MCF2L: variants seen among roughly 807,000 people sequenced by gnomAD.
MCF2L encodes MCF.2 cell line derived transforming sequence like.
MCF2L carries 97 observed loss-of-function variants against 153.4 expected under a neutral mutation model. The ratio of observed to expected loss-of-function variants is 0.63; its 90% CI spans 0.54 to 0.75. The LOEUF is 0.75. Among genes scored for constraint, MCF2L ranks in the 30% least tolerant of loss-of-function variants. The pLI is 0.00. For missense variants in MCF2L, 1,347 were observed against 1,495.2 expected, an observed-to-expected ratio of 0.90 and a Z score of 1.64; for synonymous variants, 659 against 632.2, an observed-to-expected ratio of 1.04 and a Z score of -0.64.
At chr13:113,019,007 G>C (rs1290232834) in intron 2 of MCF2L, among the ~76,000 whole-genome samples, 1 of 152,208 alleles carries the variant, frequency 6.6e-6, no homozygotes, top group Admixed American at 6.5e-5. Flanking sequence ...GCAGACTTAG[G>C]AGTTCCTCCC....
intron 5 of MCF2L, among the ~76,000 whole-genome samples, chr13:113,061,740 T>TCCCCC (rs1210317140): frequency 5.2e-5 from 2 of 38,680 alleles, no homozygotes; most frequent in African/African-American, 1.1e-4. Flanking sequence ...CCCCTCCCTC[T>TCCCCC]TCCCTTTCCC....
rs920863147 is a variant in MCF2L at position 113,064,681 on chromosome 13, A to G, written c.607-255A>G. ...CCTTGCGTTGTGGTTTGCAACACTC[A>G]CTGCTCTCAACGGGGAGAGGCAGCG... On this transcript the variant is annotated intron_variant, in intron 6 of 29. Coordinates refer to ENST00000535094, the MANE Select transcript of MCF2L (RefSeq NM_001112732.3). The surrounding 1 kb of genome is among the most constrained non-coding windows in gnomAD (Gnocchi z 6.0). 5.9e-5 allele frequency: 35 copies of G among 593,306 alleles called. No individual in the cohort carries two copies. The South Asian group carries it at 7.1e-4, about 12-fold the overall frequency. 36.8% of individuals were successfully genotyped at this position (593,306 alleles called of 1,614,324 possible).
intron 3 of MCF2L, among the ~76,000 whole-genome samples, chr13:113,032,228 C>A (rs1236022031): frequency 6.6e-6 from 1 of 152,220 alleles, no homozygotes; most frequent in Non-Finnish European, 1.5e-5. Flanking sequence ...GGCAGCTGGA[C>A]CCCAGCCCTT....
intron 1 of MCF2L, among the ~76,000 whole-genome samples, chr13:112,976,299 A>T (rs2082212596): frequency 6.6e-6 from 1 of 152,158 alleles, no homozygotes; most frequent in African/African-American, 2.4e-5. Context: ...CATATTACTT[A>T]ATTGTGCTAC....
At chr13:112,895,225 C>G (rs886597229) in intron 1 of MCF2L, among the ~76,000 whole-genome samples, 5 of 152,076 alleles carry the variant, frequency 3.3e-5, no homozygotes, top group African/African-American at 9.7e-5. Context: ...CTCTGGAGCC[C>G]AGGCAGGCTC....
chr13:113,087,455 A>G lies in MCF2L; in HGVS notation c.2594A>G (p.Asn865Ser), dbSNP rs1437877817. The G allele has an allele frequency of 6.2e-7, 1 of 1,600,466 alleles. No individual in the cohort carries two copies. Among genetic ancestry groups the G allele is most frequent in the East Asian group, 2.2e-5 (1 of 44,492 alleles). The stretch of plus-strand genomic sequence containing the variant: ...TCCTACAGCTACAAGCAGTCCTTAA[A>G]CGTAAGTGAGGCCGGGTCTGCAGCA... ...APSYSYKQSLNMAAVGITENV... is the reference protein window; with the variant it reads ...APSYSYKQSLSMAAVGITENV... Residue 865 changes from asparagine (N) to serine (S), a missense_variant and splice_region_variant, in exon 22 of 30, where the codon AAC becomes AGC. Asn to Ser is a conservative substitution (Grantham distance 46). Transcript: ENST00000535094.
Position 113,070,627 on chromosome 13 carries a change from C to T in MCF2L, c.996+454C>T, listed in dbSNP as rs2032816826. Among the ~76,000 whole-genome samples, 1 of 152,192 alleles carries T rather than the reference C, an allele frequency of 6.6e-6. No individual in the cohort carries two copies. Among genetic ancestry groups the T allele is most frequent in the Admixed American group, 6.5e-5 (1 of 15,280 alleles). ...GCCCTTCGTGGACTCACCCATGTCCCTCCTCAGCCCCCGGCAACCACTCAT... is the reference window on the plus strand; with the variant it reads ...GCCCTTCGTGGACTCACCCATGTCCTTCCTCAGCCCCCGGCAACCACTCAT... On this transcript the variant is annotated intron_variant, in intron 9 of 29. Coordinates refer to ENST00000535094, the MANE Select transcript of MCF2L (RefSeq NM_001112732.3). This position sits in a 1 kb window ranked among gnomAD's most constrained non-coding sequence, Gnocchi z 5.6.
At chr13:112,953,253 C>T (rs1251178453) in intron 2 of MCF2L, among the ~76,000 whole-genome samples, 1 of 152,184 alleles carries the variant, frequency 6.6e-6, no homozygotes, top group African/African-American at 2.4e-5. Context: ...GAAGCTCTGG[C>T]CATCTGACAA....
At chr13:112,902,773 A>T (rs1429661965) in intron 2 of MCF2L, among the ~76,000 whole-genome samples, 1 of 152,196 alleles carries the variant, frequency 6.6e-6, no homozygotes, top group Non-Finnish European at 1.5e-5. Context: ...CTGAATTTGT[A>T]TGTTTTCATA....
chr13:112,901,871 T>C (rs1178076439), intron 1 of MCF2L, among the ~76,000 whole-genome samples: 1 of 152,236 alleles, frequency 6.6e-6, no homozygotes, highest in Non-Finnish European at 1.5e-5. Context: ...GACGTCTATG[T>C]CTTTGAAACA....
intron 1 of MCF2L, among the ~76,000 whole-genome samples, chr13:112,987,388 G>A (rs1275598836): frequency 6.6e-6 from 1 of 152,040 alleles, no homozygotes; most frequent in Non-Finnish European, 1.5e-5. Context: ...GCACCCATTG[G>A]TCTTTTTCCT....
At chr13:113,079,533 G>A (rs1278784957) in intron 15 of MCF2L, among the ~76,000 whole-genome samples, 1 of 152,244 alleles carries the variant, frequency 6.6e-6, no homozygotes, top group Admixed American at 6.5e-5. Context: ...AATCAGGAAA[G>A]AAGAAAAGGC....
intron 1 of MCF2L, 52 bp from the exon 2 acceptor site, chr13:113,014,711 G>T: frequency 1.3e-6 from 2 of 1,524,762 alleles, no homozygotes; most frequent in South Asian, 1.1e-5. Flanking sequence ...GGCGCTTGCA[G>T]GGTGAGGCAG....
intron 2 of MCF2L, among the ~76,000 whole-genome samples, chr13:112,962,316 C>T (rs1410171793): frequency 1.3e-5 from 2 of 152,216 alleles, no homozygotes; most frequent in Non-Finnish European, 2.9e-5. Context: ...GGCACATGCA[C>T]ATACACATAC....
At position 113,053,976 on chromosome 13, in the gene MCF2L, G is replaced by A. The variant is rs1054294094; in HGVS notation, c.370-6617G>A. ...AGCTCAGTTCACACGGCTCCGAATC[G>A]GCGAAACGCAACCAACGCTGGGCAG... On this transcript the variant is annotated intron_variant, in intron 4 of 29. Transcript: ENST00000535094. This position sits in a 1 kb window ranked among gnomAD's most constrained non-coding sequence, Gnocchi z 4.4. Among the ~76,000 whole-genome samples the A allele has an allele frequency of 2.6e-5, 4 of 152,226 alleles. No individual in the cohort carries two copies. Among genetic ancestry groups the A allele is most frequent in the South Asian group, 2.1e-4 (1 of 4,808 alleles).
intron 1 of MCF2L, among the ~76,000 whole-genome samples, chr13:112,980,276 TC>T (rs1165527229): frequency 6.6e-6 from 1 of 152,264 alleles, no homozygotes; most frequent in Non-Finnish European, 1.5e-5. Flanking sequence ...GTGCTTTTGT[TC>T]ACTTCAGAGG....
intron 27 of MCF2L, chr13:113,095,584 C>A: frequency 1.0e-6 from 1 of 996,754 alleles, no homozygotes; most frequent in Middle Eastern, 5.1e-4. Context: ...GGGCAGGCAG[C>A]CCAGTCACCG....
intron 2 of MCF2L, among the ~76,000 whole-genome samples, chr13:112,912,461 C>T (rs1354481789): frequency 3.9e-5 from 6 of 152,034 alleles, no homozygotes; most frequent in Non-Finnish European, 5.9e-5. Context: ...GGATTACAAG[C>T]GCACGCCACC....
intron 1 of MCF2L, among the ~76,000 whole-genome samples, chr13:112,898,655 T>C (rs891305267): frequency 2.6e-5 from 4 of 152,074 alleles, no homozygotes; most frequent in African/African-American, 4.8e-5. Flanking sequence ...CTCCATTTGC[T>C]ATTCGGCTGC....
Sources: gnomAD v4.1 joint callset for allele counts (sites outside exome capture counted in the v4.1 genomes callset) on GRCh38, gnomAD v4.1.1 for gene constraint, Gnocchi (gnomAD v3.1) non-coding constraint, MANE v1.5 for transcripts, NCBI Gene and HGNC (gene_info 2026-07-23, HGNC 2026-07-21) for gene names.